KIF21B: variants seen among roughly 807,000 people sequenced by gnomAD.
KIF21B encodes the protein kinesin family member 21B.
KIF21B carries 85 observed loss-of-function variants against 192.9 expected under a neutral mutation model. The observed-to-expected ratio is 0.44, with a 90% CI of 0.37 to 0.53. The LOEUF is 0.53. Ranked by LOEUF, KIF21B falls within the 20% of genes least tolerant of loss-of-function variation. KIF21B has a pLI of 0.00. For synonymous variants in KIF21B, 832 were observed against 884.6 expected, an observed-to-expected ratio of 0.94 and a Z score of 1.05; for missense variants, 1,716 against 2,194.8, an observed-to-expected ratio of 0.78 and a Z score of 4.36.
chr1:200,979,900 T>TA (rs1307121065), intron 29 of KIF21B, among the ~76,000 whole-genome samples, 185 bp from the exon 30 acceptor site: 3 of 152,144 alleles, frequency 2.0e-5, no homozygotes, highest in African/African-American at 7.2e-5. Context: ...TGTGTGCTAG[T>TA]AAAAAACTCA....
rs1277590764 is a variant in KIF21B at position 200,971,153 on chromosome 1, CT to C, written c.*2367del. The C allele has an allele frequency of 6.5e-6, 1 of 152,846 alleles. No homozygotes were observed. Among genetic ancestry groups the C allele is most frequent in the Non-Finnish European group, 1.5e-5 (1 of 68,058 alleles). 9.5% of individuals were successfully genotyped at this position (152,846 alleles called of 1,614,324 possible). A position where few individuals can be genotyped will look rare whatever the true frequency, so the allele number is the denominator to read the frequency against. ...TGGGGGCCTGCCCCCTAACATGGAC[CT>C]TGGACATCCCTGAAAGAGTGGGCAG... On this transcript the variant is annotated 3_prime_UTR_variant, in exon 35 of 35. Transcript: ENST00000461742.
At chr1:201,008,704 C>A (rs1263884824) in intron 3 of KIF21B, 65 bp downstream of exon 3, 7 of 1,445,364 alleles carry the variant, frequency 4.8e-6, no homozygotes, top group Admixed American at 2.1e-5. Context: ...TGGAGGAAGG[C>A]CCGGCTTCCA....
chr1:200,988,233 G>A, intron 24 of KIF21B, 63 bp downstream of exon 24: 1 of 1,452,590 alleles, frequency 6.9e-7, no homozygotes, highest in Non-Finnish European at 9.7e-7. Flanking sequence ...ACAGTAAGCG[G>A]TGAACAGGCT....
At position 200,987,217 on chromosome 1, in the gene KIF21B, CA is replaced by C; in HGVS notation, c.3409-17del. Reference sequence around the variant, plus strand: ...TGGGCTCGCTCTGGGAAAAGAAGAACAGGGTGGATCAACTTGCCCAAATTGC... The same window carrying C: ...TGGGCTCGCTCTGGGAAAAGAAGAACGGGTGGATCAACTTGCCCAAATTGC... On this transcript the variant is annotated splice_polypyrimidine_tract_variant and intron_variant, in intron 24 of 34. Transcript: ENST00000461742. The C allele has an allele frequency of 6.3e-7, 1 of 1,597,438 alleles. No homozygotes were observed. Among genetic ancestry groups the C allele is most frequent in the African/African-American group, 1.3e-5 (1 of 74,094 alleles).
Position 200,971,258 on chromosome 1 carries a change from A to T in KIF21B, c.*2263T>A, listed in dbSNP as rs1655197774. ...AGGGCTCCTGAAGGACTTCAAGTTT[A>T]GAGAGTCAATGACACTTGCCAGGAC... On this transcript the variant is annotated 3_prime_UTR_variant, in exon 35 of 35. Coordinates refer to ENST00000461742, the MANE Select transcript of KIF21B (RefSeq NM_001252102.2). 1 of 152,684 alleles carries T rather than the reference A, an allele frequency of 6.5e-6. No individual in the cohort carries two copies. Among genetic ancestry groups the T allele is most frequent in the African/African-American group, 2.4e-5 (1 of 41,464 alleles). 9.5% of individuals were successfully genotyped at this position (152,684 alleles called of 1,614,324 possible). A position where few individuals can be genotyped will look rare whatever the true frequency, so the allele number is the denominator to read the frequency against.
chr1:200,988,318 C>T lies in KIF21B; in HGVS notation c.3386G>A (p.Ser1129Asn). 6.2e-7 allele frequency: 1 copy of T among 1,614,112 alleles called. No individual in the cohort carries two copies. The highest frequency in any genetic ancestry group is 8.5e-7 in the Non-Finnish European group (1 of 1,180,022). Reference sequence around the variant, plus strand: ...CACCTTGAACTTGAAATCGTCATGGCTGGTGGAGCCTTTCATGGTGAATGA... The same window carrying T: ...CACCTTGAACTTGAAATCGTCATGGTTGGTGGAGCCTTTCATGGTGAATGA... ...SQSFTMKGST[S>N]HDDFKFKSEP... Residue 1129 changes from serine (S) to asparagine (N), a missense_variant, in exon 24 of 35, where the codon AGC becomes AAC. Transcript: ENST00000461742.
chr1:200,986,461 C>G (rs1400273261), intron 26 of KIF21B, among the ~76,000 whole-genome samples: 1 of 151,600 alleles, frequency 6.6e-6, no homozygotes, highest in Non-Finnish European at 1.5e-5. Flanking sequence ...AGGTTCGAAC[C>G]ATTCTAATGC....
chr1:200,990,068 C>A lies in KIF21B; in HGVS notation c.3031-25G>T. The A allele has an allele frequency of 6.2e-7, 1 of 1,612,592 alleles. No individual in the cohort carries two copies. The highest frequency in any genetic ancestry group is 8.5e-7 in the Non-Finnish European group (1 of 1,179,068). ...CCTAGGACCGGGAGGCAGAGAGCCC[C>A]GTCACCTGGGGCTACCCCTGCCACC... On this transcript the variant is annotated intron_variant, in intron 20 of 34. Transcript: ENST00000461742. The surrounding 1 kb of genome is among the most constrained non-coding windows in gnomAD (Gnocchi z 5.4).
Position 200,988,555 on chromosome 1 carries a change from G to T in KIF21B, c.3299-11C>A. ...TGGCGTAGCCATTCTCTGTGGGAGG[G>T]CGGGAGGGAGGGAAAGGGGTTGAGA... On this transcript the variant is annotated splice_polypyrimidine_tract_variant and intron_variant, in intron 22 of 34. Coordinates refer to ENST00000461742, the MANE Select transcript of KIF21B (RefSeq NM_001252102.2). The T allele has an allele frequency of 2.6e-6, 4 of 1,554,034 alleles. No individual in the cohort carries two copies. Among genetic ancestry groups the T allele is most frequent in the Non-Finnish European group, 2.6e-6 (3 of 1,140,276 alleles).
intron 30 of KIF21B, 53 bp downstream of exon 30, chr1:200,979,482 C>T (rs959571379): frequency 1.5e-5 from 22 of 1,429,246 alleles, no homozygotes; most frequent in African/African-American, 1.5e-4. Flanking sequence ...AGCATCTGTA[C>T]CCAACACAGC....
In KIF21B at chr1:200,973,475, A is replaced by AG; in HGVS notation, c.*45dup. The AG allele has an allele frequency of 2.8e-6, 4 of 1,406,960 alleles. No homozygotes were observed. The highest frequency in any genetic ancestry group is 3.7e-6 in the Non-Finnish European group (4 of 1,088,278). 87.2% of individuals were successfully genotyped at this position (1,406,960 alleles called of 1,614,324 possible). On this transcript the variant is annotated 3_prime_UTR_variant, in exon 35 of 35. Transcript: ENST00000461742. ...TCACAGCTTCCCTTCCATGGTGTCCAGGCTGCTGGGGTCGAGGGTCCGGGG... is the reference window on the plus strand; with the variant it reads ...TCACAGCTTCCCTTCCATGGTGTCCAGGGCTGCTGGGGTCGAGGGTCCGGGG...
chr1:200,974,967 C>T, intron 33 of KIF21B, 54 bp from the exon 34 acceptor site: 1 of 1,563,060 alleles, frequency 6.4e-7, no homozygotes, highest in Non-Finnish European at 8.7e-7. Flanking sequence ...GGGAGAGAAC[C>T]TGCCCCAGGG....
In KIF21B at chr1:200,982,946, G is replaced by T; in HGVS notation, c.3842+110C>A. 1.1e-6 allele frequency: 1 copy of T among 946,374 alleles called. No individual in the cohort carries two copies. The highest frequency in any genetic ancestry group is 1.6e-6 in the Non-Finnish European group (1 of 610,842). The allele number at this position is 946,374 out of a possible 1,614,324, so 58.6% of individuals were successfully genotyped here. A position where few individuals can be genotyped will look rare whatever the true frequency, so the allele number is the denominator to read the frequency against. On this transcript the variant is annotated intron_variant, in intron 28 of 34. Coordinates refer to ENST00000461742, the MANE Select transcript of KIF21B (RefSeq NM_001252102.2). This position sits in a 1 kb window ranked among gnomAD's most constrained non-coding sequence, Gnocchi z 4.7. ...CAGCAGGAAGGGGAGTGGAGGGGCC[G>T]CATGCTGAGGACACGGGTGTCAGGC...
chr1:200,988,395 C>A (rs1252855154), intron 23 of KIF21B, 42 bp from the exon 24 acceptor site: 1 of 1,612,816 alleles, frequency 6.2e-7, no homozygotes, highest in Admixed American at 1.7e-5. Flanking sequence ...TGAGGAGCCC[C>A]CAAATTCAGG....
At chr1:201,016,443 G>A (rs1029171268) in intron 1 of KIF21B, among the ~76,000 whole-genome samples, 1 of 152,152 alleles carries the variant, frequency 6.6e-6, no homozygotes, top group African/African-American at 2.4e-5. Context: ...GAAAGAGGAC[G>A]TCTACACCCC....
Position 200,988,327 on chromosome 1 carries a change from C to A in KIF21B, c.3377G>T (p.Gly1126Val), listed in dbSNP as rs754226401. The A allele has an allele frequency of 6.2e-6, 10 of 1,613,928 alleles. No individual in the cohort carries two copies. In the African/African-American group the frequency reaches 1.2e-4, roughly 19 times the overall value. ...GSFSQSFTMKGSTSHDDFKFK... is the reference protein window; with the variant it reads ...GSFSQSFTMKVSTSHDDFKFK... ...CTTGAAATCGTCATGGCTGGTGGAG[C>A]CTTTCATGGTGAATGACTGGGAGAA... The change falls in exon 24 of 35, where the codon GGC becomes GTC. Residue 1126 changes from glycine to valine, a missense_variant. Gly to Val is a moderately radical substitution (Grantham distance 109, BLOSUM62 -3). Transcript: ENST00000461742.
rs1656020930 is a variant in KIF21B, at chr1:200,982,673, CA to C, written c.3842+382del. On this transcript the variant is annotated intron_variant, in intron 28 of 34. Coordinates refer to ENST00000461742, the MANE Select transcript of KIF21B (RefSeq NM_001252102.2). The surrounding 1 kb of genome is among the most constrained non-coding windows in gnomAD (Gnocchi z 4.7). The stretch of plus-strand genomic sequence containing the variant: ...ACCCAGAGCACACCACCGGCACCCC[CA>C]AAAGGAGCAGCCTTCAGCATTTCCC... 6.6e-6 allele frequency among the ~76,000 whole-genome samples: 1 copy of C among 152,210 alleles called. No homozygotes were observed. The highest frequency in any genetic ancestry group is 1.5e-5 in the Non-Finnish European group (1 of 68,024).
chr1:201,011,709 A>G (rs948464130), intron 1 of KIF21B, among the ~76,000 whole-genome samples: 3 of 152,212 alleles, frequency 2.0e-5, no homozygotes, highest in Non-Finnish European at 2.9e-5. Flanking sequence ...ATTCCTAGGT[A>G]AACCAAGTGC....
rs752543544 is a variant in KIF21B at position 201,005,642 on chromosome 1, G to A, written c.500C>T (p.Thr167Ile). 5 of 1,614,184 alleles carry A rather than the reference G, an allele frequency of 3.1e-6. No homozygotes were observed. In the South Asian group the frequency reaches 3.3e-5, roughly 11 times the overall value. The change falls in exon 4 of 35, where the codon ACC (threonine) becomes ATC (isoleucine). Residue 167 changes from threonine to isoleucine, a missense_variant. Thr to Ile is a moderately conservative substitution (Grantham distance 89, BLOSUM62 -1). This residue lies in a region of KIF21B where 1,087 missense variants were observed against 1,316.6 expected (regional missense o/e 0.83). Transcript: ENST00000461742. ...DLFDSTRDPD[T>I]RHRRSNIKIH... is the part of the protein sequence containing the mutation. ...CTTGATGTTGGACCTGCGGTGGCGGGTGTCAGGGTCACGGGTGCTGTCAAA... is the reference window on the plus strand; with the variant it reads ...CTTGATGTTGGACCTGCGGTGGCGGATGTCAGGGTCACGGGTGCTGTCAAA...
Sources: allele counts gnomAD v4.1 joint callset (sites outside exome capture counted in the v4.1 genomes callset), GRCh38; gene constraint gnomAD v4.1.1; regional missense constraint gnomAD v4.1.1; non-coding constraint Gnocchi (gnomAD v3.1); transcripts MANE v1.5; gene names NCBI Gene and HGNC (gene_info 2026-07-23, HGNC 2026-07-21).